ADCY2: variants seen among roughly 807,000 people sequenced by gnomAD.
The protein encoded by ADCY2 is adenylate cyclase 2, also known as adenylate cyclase type 2.
In ADCY2, 31 loss-of-function variants were observed where a neutral mutation model predicts 125.2. The observed-to-expected ratio is 0.25, with a 90% CI of 0.19 to 0.33. ADCY2 has a LOEUF of 0.33. ADCY2 is among the 10% of genes least tolerant of loss of function. The pLI, the probability that ADCY2 is intolerant of heterozygous loss-of-function variation, is 1.00. For synonymous variants in ADCY2, 512 were observed against 548.4 expected (o/e 0.93, Z 0.93); for missense variants, 904 against 1,418.2 (o/e 0.64, Z 5.82).
intron 3 of ADCY2, among the ~76,000 whole-genome samples, chr5:7,623,377 C>A (rs533243499): frequency 1.4e-3 from 206 of 152,248 alleles, no homozygotes; most frequent in African/African-American, 4.8e-3. Context: ...TCATTTCCTG[C>A]ATTCTTTGGT....
At chr5:7,767,531 C>A (rs1004671774) in intron 17 of ADCY2, among the ~76,000 whole-genome samples, 5 of 152,120 alleles carry the variant, frequency 3.3e-5, no homozygotes, top group African/African-American at 1.2e-4. Context: ...GCTAAGGGAA[C>A]TATTTTGGGG....
intron 3 of ADCY2, among the ~76,000 whole-genome samples, chr5:7,554,965 C>G (rs1735456505): frequency 6.6e-6 from 1 of 152,178 alleles, no homozygotes. Flanking sequence ...TGTATCCTTT[C>G]CACCTCCCCA....
intron 16 of ADCY2, among the ~76,000 whole-genome samples, chr5:7,760,220 G>A (rs1351708701): frequency 1.3e-5 from 2 of 152,196 alleles, no homozygotes; most frequent in Non-Finnish European, 2.9e-5. Context: ...TGGGTTTTTC[G>A]GGCTCGACTT....
At chr5:7,606,124 G>A (rs1239773803) in intron 3 of ADCY2, among the ~76,000 whole-genome samples, 2 of 151,872 alleles carry the variant, frequency 1.3e-5, no homozygotes. Context: ...TTATTGATTT[G>A]CGTATATGGT....
At chr5:7,594,870 A>T (rs767885658) in intron 3 of ADCY2, among the ~76,000 whole-genome samples, 4 of 152,150 alleles carry the variant, frequency 2.6e-5, no homozygotes, top group Non-Finnish European at 4.4e-5. Flanking sequence ...CATGAACCTT[A>T]TTTCATAGCA....
intron 4 of ADCY2, among the ~76,000 whole-genome samples, chr5:7,630,076 A>G (rs1477959031): frequency 6.6e-6 from 1 of 152,188 alleles, no homozygotes; most frequent in Non-Finnish European, 1.5e-5. Flanking sequence ...AAAAAATACT[A>G]GTCGGGCGAG....
intron 2 of ADCY2, among the ~76,000 whole-genome samples, chr5:7,445,715 T>G (rs1418484796): frequency 6.6e-6 from 1 of 152,214 alleles, no homozygotes; most frequent in Non-Finnish European, 1.5e-5. Flanking sequence ...AGCATTGCAT[T>G]TTTTATCATT....
intron 2 of ADCY2, among the ~76,000 whole-genome samples, chr5:7,510,499 G>A (rs927616803): frequency 1.3e-5 from 2 of 152,176 alleles, no homozygotes; most frequent in African/African-American, 4.8e-5. Context: ...AATTTAGGGT[G>A]GGGTCCAAGA....
At chr5:7,773,180 C>T (rs1041948935) in intron 18 of ADCY2, 79 bp downstream of exon 18, 10 of 1,398,770 alleles carry the variant, frequency 7.1e-6, no homozygotes, top group Non-Finnish European at 7.8e-6. Flanking sequence ...TGAGTAAATG[C>T]AAGTTAGCGA....
chr5:7,677,453 A>G (rs924118586), intron 4 of ADCY2, among the ~76,000 whole-genome samples: 1 of 152,114 alleles, frequency 6.6e-6, no homozygotes, highest in Non-Finnish European at 1.5e-5. Flanking sequence ...ACGTTGACTA[A>G]CAGGAAATAG....
intron 22 of ADCY2, among the ~76,000 whole-genome samples, chr5:7,810,676 G>T (rs778110704): frequency 6.6e-6 from 1 of 152,070 alleles, no homozygotes; most frequent in African/African-American, 2.4e-5. Context: ...TGGGTTATCT[G>T]TTTGATTGGT....
chr5:7,491,831 G>A (rs921415687), intron 2 of ADCY2, among the ~76,000 whole-genome samples: 2 of 152,010 alleles, frequency 1.3e-5, no homozygotes, highest in African/African-American at 4.8e-5. Context: ...TTTTTTATAA[G>A]CACAAAACAA....
chr5:7,443,988 A>G (rs1289108251), intron 2 of ADCY2, among the ~76,000 whole-genome samples: 1 of 152,086 alleles, frequency 6.6e-6, no homozygotes, highest in Admixed American at 6.5e-5. Flanking sequence ...ACTTGTAACT[A>G]TATGGCTATC....
intron 2 of ADCY2, among the ~76,000 whole-genome samples, chr5:7,501,065 A>G (rs1553242): frequency 0.44 from 66,042 of 151,410 alleles, 14,512 homozygotes; most frequent in Non-Finnish European, 0.46. Flanking sequence ...GTGTTTTAAA[A>G]GATGATTTTC....
intron 3 of ADCY2, among the ~76,000 whole-genome samples, chr5:7,555,684 C>A (rs1252169088): frequency 1.3e-5 from 2 of 152,158 alleles, no homozygotes; most frequent in Non-Finnish European, 2.9e-5. Flanking sequence ...ATTCCCATAA[C>A]TTTAGGCTCC....
intron 1 of ADCY2, among the ~76,000 whole-genome samples, chr5:7,406,030 T>C (rs1459795953): frequency 6.6e-6 from 1 of 151,958 alleles, no homozygotes. Context: ...TACTAATTTT[T>C]TTTTTTTCTT....
At chr5:7,513,512 TG>T in intron 2 of ADCY2, among the ~76,000 whole-genome samples, 1 of 152,350 alleles carries the variant, frequency 6.6e-6, no homozygotes, top group Middle Eastern at 3.4e-3. Flanking sequence ...AATTAATAAA[TG>T]GTATCAAAGT....
intron 4 of ADCY2, among the ~76,000 whole-genome samples, chr5:7,659,689 A>G (rs529770750): frequency 5.3e-5 from 8 of 152,338 alleles, no homozygotes; most frequent in African/African-American, 1.7e-4. Flanking sequence ...GAATGACCCA[A>G]CTTACAAGAA....
intron 15 of ADCY2, 62 bp from the exon 16 acceptor site, chr5:7,757,387 A>G (rs2126458094): frequency 6.3e-7 from 1 of 1,575,936 alleles, no homozygotes; most frequent in East Asian, 2.2e-5. Flanking sequence ...CATTGTCATC[A>G]AGAAACTGGA....
Sources: allele counts gnomAD v4.1 joint callset (sites outside exome capture counted in the v4.1 genomes callset), GRCh38; gene constraint gnomAD v4.1.1; transcripts MANE v1.5; gene names NCBI Gene and HGNC (gene_info 2026-07-23, HGNC 2026-07-21).